Variants in RCAN2 observed in about 807,000 individuals in gnomAD.
RCAN2 encodes calcipressin-2.
Under a neutral mutation model 23.6 loss-of-function variants are expected in RCAN2, and 9 were observed. The ratio of observed to expected loss-of-function variants is 0.38; its 90% CI spans 0.23 to 0.67. RCAN2 has a LOEUF of 0.67. Among genes scored for constraint, RCAN2 ranks in the 30% least tolerant of loss-of-function variants. The pLI is 0.51. For missense variants in RCAN2, 273 were observed against 302.3 expected (o/e 0.90, Z 0.72); for synonymous variants, 109 against 115.7 (o/e 0.94, Z 0.37).
chr6:46,353,323 C>A (rs1016676450), intron 2 of RCAN2, among the ~76,000 whole-genome samples: 1 of 151,978 alleles, frequency 6.6e-6, no homozygotes, highest in Non-Finnish European at 1.5e-5. Context: ...CCTGAAAACC[C>A]AGGGACAATG....
In RCAN2 at chr6:46,396,403, G is replaced by C. The variant is rs544131428; in HGVS notation, c.225+60349C>G. On this transcript the variant is annotated intron_variant, in intron 2 of 4. Coordinates refer to ENST00000371374, the MANE Select transcript of RCAN2 (RefSeq NM_001251974.2). ...ACCACACAGAAGAGCTTCAGAGTTGGAGGTGAGGGCTAGAGGAACCATTAA... is the reference window on the plus strand; with the variant it reads ...ACCACACAGAAGAGCTTCAGAGTTGCAGGTGAGGGCTAGAGGAACCATTAA... 4.4e-4 allele frequency among the ~76,000 whole-genome samples: 67 copies of C among 152,306 alleles called. 3 individuals are homozygous for C. The South Asian group carries it at 0.013, about 31-fold the overall frequency.
chr6:46,403,155 C>T (rs1006061336), intron 2 of RCAN2, among the ~76,000 whole-genome samples: 3 of 151,994 alleles, frequency 2.0e-5, no homozygotes, highest in Middle Eastern at 3.2e-3. Context: ...TTAGTAGAGA[C>T]GGGGTTTCAC....
intron 2 of RCAN2, among the ~76,000 whole-genome samples, chr6:46,422,614 CAAAGCCAAATTTAGTTGAGA>C (rs1444140081): frequency 8.5e-5 from 13 of 152,068 alleles, no homozygotes; most frequent in Non-Finnish European, 1.5e-5. Context: ...CATAGAATTT[CAAAGCCAAATTTAGTTGAGA>C]AAATTTAGGT....
chr6:46,459,584 A>G (rs1348710767), intron 1 of RCAN2, among the ~76,000 whole-genome samples: 1 of 152,236 alleles, frequency 6.6e-6, no homozygotes, highest in Admixed American at 6.5e-5. Flanking sequence ...CTTTACTTAC[A>G]TGGAGAAATA....
rs1241618161 is a variant in RCAN2 at position 46,269,711 on chromosome 6, C to T, written c.226-20815G>A. Among the ~76,000 whole-genome samples the T allele has an allele frequency of 3.9e-5, 6 of 152,134 alleles. No individual in the cohort carries two copies. In the East Asian group the frequency reaches 1.2e-3, roughly 29 times the overall value. On this transcript the variant is annotated intron_variant, in intron 2 of 4. Coordinates refer to ENST00000371374, the MANE Select transcript of RCAN2 (RefSeq NM_001251974.2). The stretch of plus-strand genomic sequence containing the variant: ...GGCCTGTGAGTGGAGGTTTTGTGTA[C>T]AGGAGCTTCATTTAGGAGTGCTGTC...
At chr6:46,410,179 A>G (rs1167401895) in intron 2 of RCAN2, among the ~76,000 whole-genome samples, 1 of 152,158 alleles carries the variant, frequency 6.6e-6, no homozygotes, top group Non-Finnish European at 1.5e-5. Flanking sequence ...TAAAAGTTAT[A>G]CCATTAGTTT....
intron 2 of RCAN2, among the ~76,000 whole-genome samples, chr6:46,440,609 T>C (rs1468698460): frequency 1.3e-5 from 2 of 152,032 alleles, no homozygotes; most frequent in Non-Finnish European, 2.9e-5. Flanking sequence ...TTATATTACA[T>C]ATATACATAA....
intron 2 of RCAN2, among the ~76,000 whole-genome samples, chr6:46,388,806 C>T (rs1765844949): frequency 6.6e-6 from 1 of 151,942 alleles, no homozygotes; most frequent in Non-Finnish European, 1.5e-5. Flanking sequence ...GTTGGGGAGC[C>T]GGCAGAGTGG....
At chr6:46,395,564 C>A (rs1036231549) in intron 2 of RCAN2, among the ~76,000 whole-genome samples, 2 of 152,148 alleles carry the variant, frequency 1.3e-5, no homozygotes, top group African/African-American at 4.8e-5. Context: ...GTCAGATACT[C>A]TAATATGTCA....
chr6:46,271,142 C>T (rs1561837016), intron 2 of RCAN2, among the ~76,000 whole-genome samples: 1 of 152,156 alleles, frequency 6.6e-6, no homozygotes, highest in East Asian at 1.9e-4. Flanking sequence ...GTCTGCCTGC[C>T]TGCCTATCTC....
chr6:46,452,368 C>T (rs1767905407), intron 2 of RCAN2, among the ~76,000 whole-genome samples: 1 of 152,134 alleles, frequency 6.6e-6, no homozygotes, highest in South Asian at 2.1e-4. Context: ...CCTGAACCAA[C>T]AAAAGTTCTT....
chr6:46,390,984 CAAAG>C (rs1350421262), intron 2 of RCAN2, among the ~76,000 whole-genome samples: 1 of 152,000 alleles, frequency 6.6e-6, no homozygotes, highest in African/African-American at 2.4e-5. Context: ...CCTGGGCAGA[CAAAG>C]GAAGCTGAGG....
intron 4 of RCAN2, among the ~76,000 whole-genome samples, chr6:46,244,639 A>G (rs971163509): frequency 2.6e-5 from 4 of 152,238 alleles, no homozygotes; most frequent in Non-Finnish European, 5.9e-5. Flanking sequence ...AAAGTCTGAC[A>G]TAGCCTGAGC....
intron 2 of RCAN2, among the ~76,000 whole-genome samples, chr6:46,443,694 G>A (rs910495784): frequency 4.6e-5 from 7 of 152,060 alleles, no homozygotes; most frequent in South Asian, 2.1e-4. Flanking sequence ...CTTTATGAAC[G>A]TCAAATCTTA....
intron 2 of RCAN2, among the ~76,000 whole-genome samples, chr6:46,252,028 CT>C (rs34220762): frequency 0.77 from 117,755 of 152,040 alleles, 45,913 homozygotes; most frequent in Non-Finnish European, 0.81. Flanking sequence ...CATGTCCTCT[CT>C]TTTCAGGCCT....
chr6:46,476,893 C>T (rs994698853), intron 1 of RCAN2, among the ~76,000 whole-genome samples: 1 of 152,072 alleles, frequency 6.6e-6, no homozygotes, highest in East Asian at 1.9e-4. Flanking sequence ...AACTTTCGGT[C>T]CCCCAACTCT....
chr6:46,255,070 A>C (rs937685962), intron 2 of RCAN2, among the ~76,000 whole-genome samples: 3 of 152,236 alleles, frequency 2.0e-5, no homozygotes, highest in Non-Finnish European at 4.4e-5. Flanking sequence ...TAAGCCACTC[A>C]GTTTGTGGCA....
chr6:46,472,749 G>A (rs16874642), intron 1 of RCAN2, among the ~76,000 whole-genome samples: 9,813 of 152,164 alleles, frequency 0.064, 417 homozygotes, highest in East Asian at 0.14. Flanking sequence ...AATGATTGGG[G>A]AATCAAAACT....
At chr6:46,274,718 T>C (rs1028740888) in intron 2 of RCAN2, among the ~76,000 whole-genome samples, 1 of 152,184 alleles carries the variant, frequency 6.6e-6, no homozygotes, top group African/African-American at 2.4e-5. Flanking sequence ...AGAGCAGACA[T>C]GGTTGTGTGG....
Sources: gnomAD v4.1 joint callset for allele counts (sites outside exome capture counted in the v4.1 genomes callset) on GRCh38, gnomAD v4.1.1 for gene constraint, MANE v1.5 for transcripts, NCBI Gene and HGNC (gene_info 2026-07-23, HGNC 2026-07-21) for gene names.